The following ACSS1 variants were observed in gnomAD, a reference collection of about 807,000 sequenced individuals.
ACSS1 encodes the protein acetyl-coenzyme A synthetase 2-like, mitochondrial.
In ACSS1, 42 loss-of-function variants were observed where a neutral mutation model predicts 75.3. The observed-to-expected ratio is 0.56, with a 90% confidence interval of 0.44 to 0.72. ACSS1 has a LOEUF of 0.72. Among genes scored for constraint, ACSS1 ranks in the 30% least tolerant of loss-of-function variants. ACSS1 has a pLI of 0.00. For synonymous variants in ACSS1, 380 were observed against 376.8 expected, an observed-to-expected ratio of 1.01 and a Z score of -0.10; for missense variants, 782 against 935.7, an observed-to-expected ratio of 0.84 and a Z score of 2.14.
At chr20:25,015,353 C>T (rs1046408142) in intron 7 of ACSS1, 123 bp from the exon 8 acceptor site, 12 of 783,908 alleles carry the variant, frequency 1.5e-5, no homozygotes, top group Non-Finnish European at 2.0e-5. Flanking sequence ...CTCTGTCTCC[C>T]AGGATGATCT....
At chr20:25,034,692 C>A (rs2088880250) in intron 2 of ACSS1, among the ~76,000 whole-genome samples, 1 of 152,010 alleles carries the variant, frequency 6.6e-6, no homozygotes, top group African/African-American at 2.4e-5. Context: ...CCTCAGCCTC[C>A]CGAGTAGTTG....
chr20:25,052,295 A>G (rs1192517065), intron 1 of ACSS1, among the ~76,000 whole-genome samples: 4 of 152,188 alleles, frequency 2.6e-5, no homozygotes, highest in Admixed American at 2.6e-4. Flanking sequence ...ATTTCTCAGC[A>G]TTTCCAAGAA....
At chr20:25,021,633 A>C in intron 5 of ACSS1, 97 bp from the exon 6 acceptor site, 1 of 1,490,768 alleles carries the variant, frequency 6.7e-7, no homozygotes, top group East Asian at 2.3e-5. Flanking sequence ...GCTGCAGTCC[A>C]TAGCTGTGAG....
At chr20:25,021,311 C>T in intron 6 of ACSS1, 78 bp downstream of exon 6, 1 of 1,536,740 alleles carries the variant, frequency 6.5e-7, no homozygotes, top group Non-Finnish European at 8.8e-7. Context: ...CTTCCATGAA[C>T]CTCTCCACAA....
intron 6 of ACSS1, among the ~76,000 whole-genome samples, chr20:25,021,117 G>A (rs1203163753): frequency 6.6e-6 from 1 of 152,212 alleles, no homozygotes; most frequent in Non-Finnish European, 1.5e-5. Context: ...GATGGCCTGA[G>A]GCCGGCAGTT....
intron 2 of ACSS1, among the ~76,000 whole-genome samples, chr20:25,041,328 C>A (rs577795957): frequency 6.6e-6 from 1 of 152,096 alleles, no homozygotes; most frequent in South Asian, 2.1e-4. Context: ...TTTTTCAGTC[C>A]ACCCCGTGTG....
chr20:25,013,666 T>C lies in ACSS1; in HGVS notation c.1453-4A>G. On this transcript the variant is annotated splice_polypyrimidine_tract_variant and splice_region_variant and intron_variant, in intron 9 of 13. Coordinates refer to ENST00000323482, the MANE Select transcript of ACSS1 (RefSeq NM_032501.4). ...TGCTGCCCTCCACGACGCTGCCCTGTAGACCCCGGACATGCAAGTGAGACA... is the reference window on the plus strand; with the variant it reads ...TGCTGCCCTCCACGACGCTGCCCTGCAGACCCCGGACATGCAAGTGAGACA... The C allele has an allele frequency of 2.5e-6, 4 of 1,594,286 alleles. No homozygotes were observed. The highest frequency in any genetic ancestry group is 2.2e-5 in the South Asian group (2 of 90,574).
intron 9 of ACSS1, 113 bp from the exon 10 acceptor site, chr20:25,013,775 T>G: frequency 6.9e-7 from 1 of 1,443,786 alleles, no homozygotes. Flanking sequence ...CCTCTGCCCC[T>G]GAGGAGGGCC....
rs1600328830 is a variant in ACSS1, at chr20:25,030,749, A to G, written c.631+10T>C. On this transcript the variant is annotated intron_variant, in intron 3 of 13. Coordinates refer to ENST00000323482, the MANE Select transcript of ACSS1 (RefSeq NM_032501.4). ...CCAGGGTTCCTCCCTCCCCATGCCC[A>G]CCTCCTCACCATCATTGATCCTCCC... 6.2e-7 allele frequency: 1 copy of G among 1,613,480 alleles called. No homozygotes were observed. Among genetic ancestry groups the G allele is most frequent in the Non-Finnish European group, 8.5e-7 (1 of 1,179,774 alleles).
chr20:25,032,212 TGGG>T (rs1568840955), intron 2 of ACSS1, among the ~76,000 whole-genome samples: 21 of 152,336 alleles, frequency 1.4e-4, no homozygotes, highest in African/African-American at 4.8e-4. Flanking sequence ...CTGGCCACTC[TGGG>T]GCCTATCACC....
At chr20:25,056,404 A>T (rs2089242839) in intron 1 of ACSS1, among the ~76,000 whole-genome samples, 1 of 152,210 alleles carries the variant, frequency 6.6e-6, no homozygotes, top group Non-Finnish European at 1.5e-5. Context: ...ACACTTATCT[A>T]GTAAGTGACT....
At chr20:25,039,558 C>T (rs769704276) in intron 2 of ACSS1, among the ~76,000 whole-genome samples, 4 of 152,154 alleles carry the variant, frequency 2.6e-5, no homozygotes, top group African/African-American at 2.4e-5. Flanking sequence ...AGGACAGGGC[C>T]GAGGGTGGGT....
At chr20:25,020,688 T>C (rs189319885) in intron 6 of ACSS1, among the ~76,000 whole-genome samples, 8 of 152,356 alleles carry the variant, frequency 5.3e-5, no homozygotes, top group Admixed American at 4.6e-4. Context: ...ACCTGGGCCA[T>C]GGCCCTTAAT....
At chr20:25,038,680 G>A (rs2122716567) in intron 2 of ACSS1, among the ~76,000 whole-genome samples, 1 of 152,294 alleles carries the variant, frequency 6.6e-6, no homozygotes, top group East Asian at 1.9e-4. Context: ...CCTGCTCCAT[G>A]CCCCCAAGGC....
chr20:25,044,397 T>C (rs776743575), intron 2 of ACSS1, among the ~76,000 whole-genome samples: 1 of 152,126 alleles, frequency 6.6e-6, no homozygotes, highest in Non-Finnish European at 1.5e-5. Flanking sequence ...GAGGCCAAGG[T>C]GGGCAGTCAC....
intron 2 of ACSS1, among the ~76,000 whole-genome samples, chr20:25,040,907 G>T (rs964704683): frequency 3.3e-5 from 5 of 152,292 alleles, no homozygotes; most frequent in Non-Finnish European, 5.9e-5. Flanking sequence ...AATAATTTAT[G>T]ATTTCATTCC....
chr20:25,012,677 G>C lies in ACSS1; in HGVS notation c.1708-13C>G. On this transcript the variant is annotated splice_polypyrimidine_tract_variant and intron_variant, in intron 11 of 13. Coordinates refer to ENST00000323482, the MANE Select transcript of ACSS1 (RefSeq NM_032501.4). The stretch of plus-strand genomic sequence containing the variant: ...CAGGGTGGTCGGCCTGTGTACAACA[G>C]AGAACAAAAGGGCAAAATGTGGCGG... 6.2e-7 allele frequency: 1 copy of C among 1,614,158 alleles called. No homozygotes were observed.
intron 1 of ACSS1, among the ~76,000 whole-genome samples, chr20:25,055,743 A>G (rs561163320): frequency 1.3e-5 from 2 of 152,194 alleles, no homozygotes; most frequent in Non-Finnish European, 2.9e-5. Context: ...GGGTGAGGTG[A>G]AGCTTTCTTC....
chr20:25,036,738 T>G (rs1407458598), intron 2 of ACSS1, among the ~76,000 whole-genome samples: 1 of 152,022 alleles, frequency 6.6e-6, no homozygotes, highest in African/African-American at 2.4e-5. Flanking sequence ...GCAGATCACT[T>G]GAGGTCAGGA....
Sources: gnomAD v4.1 joint callset for allele counts (sites outside exome capture counted in the v4.1 genomes callset) on GRCh38, gnomAD v4.1.1 for gene constraint, MANE v1.5 for transcripts, NCBI Gene and HGNC (gene_info 2026-07-23, HGNC 2026-07-21) for gene names.